Variants in STAC observed in about 807,000 individuals in gnomAD.
STAC encodes SH3 and cysteine-rich domain-containing protein.
Under a neutral mutation model 48.8 loss-of-function variants are expected in STAC, and 43 were observed. The ratio of observed to expected loss-of-function variants is 0.88; its 90% CI spans 0.69 to 1.14. STAC has a LOEUF of 1.14. Among genes scored for constraint, STAC ranks in the 50% most tolerant of loss-of-function variants. The pLI, the probability that STAC is intolerant of heterozygous loss-of-function variation, is 0.00. For synonymous variants in STAC, 193 were observed against 179.5 expected, an observed-to-expected ratio of 1.07 and a Z score of -0.60; for missense variants, 497 against 504.0, an observed-to-expected ratio of 0.99 and a Z score of 0.13.
At chr3:36,487,222 C>T (rs376328972) in intron 5 of STAC, among the ~76,000 whole-genome samples, 23 of 152,182 alleles carry the variant, frequency 1.5e-4, no homozygotes, top group East Asian at 1.2e-3. Flanking sequence ...GAATGTAGGT[C>T]GGGTAGGCAA....
intron 8 of STAC, among the ~76,000 whole-genome samples, chr3:36,511,101 T>C (rs1302268659): frequency 6.6e-6 from 1 of 151,788 alleles, no homozygotes; most frequent in Non-Finnish European, 1.5e-5. Flanking sequence ...TGTGACCTTC[T>C]CAAAATCTAA....
At chr3:36,535,135 C>T (rs1699168492) in intron 10 of STAC, among the ~76,000 whole-genome samples, 1 of 151,902 alleles carries the variant, frequency 6.6e-6, no homozygotes, top group African/African-American at 2.4e-5. Flanking sequence ...TGTTTGTGTC[C>T]TCTCTTACTT....
intron 2 of STAC, among the ~76,000 whole-genome samples, chr3:36,481,203 A>C (rs1472163259): frequency 6.6e-6 from 1 of 152,196 alleles, no homozygotes; most frequent in Non-Finnish European, 1.5e-5. Context: ...CTATAAGAAG[A>C]CCACATGGCT....
intron 10 of STAC, among the ~76,000 whole-genome samples, chr3:36,541,842 A>G (rs963537124): frequency 6.6e-6 from 1 of 152,172 alleles, no homozygotes; most frequent in Non-Finnish European, 1.5e-5. Flanking sequence ...TCTGCTCTGC[A>G]TATGCTGCAC....
At chr3:36,503,483 T>G (rs1698326286) in intron 6 of STAC, among the ~76,000 whole-genome samples, 1 of 152,150 alleles carries the variant, frequency 6.6e-6, no homozygotes, top group Admixed American at 6.6e-5. Context: ...CAGGCTGGAG[T>G]GCAGTGGTGT....
chr3:36,512,600 T>G (rs1242484422), intron 8 of STAC, among the ~76,000 whole-genome samples: 1 of 152,186 alleles, frequency 6.6e-6, no homozygotes, highest in Non-Finnish European at 1.5e-5. Flanking sequence ...GATGTCTAGC[T>G]GCCTGGTGGT....
At chr3:36,504,219 G>A (rs952288809) in intron 6 of STAC, among the ~76,000 whole-genome samples, 174 bp from the exon 7 acceptor site, 1 of 152,208 alleles carries the variant, frequency 6.6e-6, no homozygotes, top group Admixed American at 6.5e-5. Context: ...GGGGAGGCAG[G>A]AGAAGAGACA....
intron 1 of STAC, among the ~76,000 whole-genome samples, chr3:36,441,571 T>C (rs1408502505): frequency 6.6e-6 from 1 of 152,208 alleles, no homozygotes; most frequent in African/African-American, 2.4e-5. Flanking sequence ...TGCAGATGTC[T>C]CCTCAGTATA....
chr3:36,438,580 T>G (rs1401858555), intron 1 of STAC, among the ~76,000 whole-genome samples: 3 of 152,220 alleles, frequency 2.0e-5, no homozygotes, highest in Admixed American at 6.5e-5. Flanking sequence ...TCTTTTAAGA[T>G]TCCCACTTGA....
At chr3:36,405,618 G>A (rs1243038206) in intron 1 of STAC, among the ~76,000 whole-genome samples, 1 of 152,146 alleles carries the variant, frequency 6.6e-6, no homozygotes, top group Admixed American at 6.5e-5. Flanking sequence ...CTCCATATAT[G>A]ATATAGCTAA....
intron 1 of STAC, among the ~76,000 whole-genome samples, chr3:36,440,110 T>C (rs928232401): frequency 3.3e-5 from 5 of 152,190 alleles, no homozygotes; most frequent in African/African-American, 1.2e-4. Context: ...GCAGCCCTAG[T>C]GGGGCTTTTC....
intron 1 of STAC, among the ~76,000 whole-genome samples, chr3:36,384,273 C>T (rs1316693570): frequency 6.6e-6 from 1 of 152,090 alleles, no homozygotes; most frequent in African/African-American, 2.4e-5. Context: ...TTATATGACA[C>T]AAGGTCACAT....
intron 10 of STAC, among the ~76,000 whole-genome samples, chr3:36,534,316 G>A (rs1559528778): frequency 6.6e-6 from 1 of 152,236 alleles, no homozygotes; most frequent in East Asian, 1.9e-4. Context: ...CAAATGCATA[G>A]CAGAAGTCAT....
At chr3:36,405,864 C>T (rs61527575) in intron 1 of STAC, among the ~76,000 whole-genome samples, 3 of 152,238 alleles carry the variant, frequency 2.0e-5, no homozygotes, top group African/African-American at 4.8e-5. Flanking sequence ...GGACTACAGG[C>T]GCATGCCACC....
chr3:36,534,614 T>TAATTA (rs1553643003), intron 10 of STAC, among the ~76,000 whole-genome samples: 589 of 152,142 alleles, frequency 3.9e-3, no homozygotes, highest in Middle Eastern at 0.024. Flanking sequence ...TTTCCAAATA[T>TAATTA]AGTTATCCAT....
intron 10 of STAC, among the ~76,000 whole-genome samples, chr3:36,532,901 T>C (rs911928693): frequency 6.6e-6 from 1 of 152,156 alleles, no homozygotes; most frequent in Non-Finnish European, 1.5e-5. Flanking sequence ...ACAGACACAC[T>C]GTATAAATAA....
intron 10 of STAC, among the ~76,000 whole-genome samples, chr3:36,542,214 G>T (rs1699345711): frequency 1.3e-5 from 2 of 152,144 alleles, no homozygotes; most frequent in Admixed American, 1.3e-4. Context: ...CTTTTCCCAT[G>T]CTGCAGAGCC....
At chr3:36,410,834 T>C (rs954795472) in intron 1 of STAC, among the ~76,000 whole-genome samples, 3 of 152,236 alleles carry the variant, frequency 2.0e-5, no homozygotes, top group African/African-American at 7.2e-5. Flanking sequence ...ATAATCCACT[T>C]AGTTCAATCT....
chr3:36,448,184 T>C (rs79748709), intron 2 of STAC, among the ~76,000 whole-genome samples: 16,518 of 81,984 alleles, frequency 0.2, 1,165 homozygotes, highest in East Asian at 0.41. Context: ...TTTTATTTTA[T>C]TTTACTTTAT....
Sources: gnomAD v4.1 joint callset for allele counts (sites outside exome capture counted in the v4.1 genomes callset) on GRCh38, gnomAD v4.1.1 for gene constraint, MANE v1.5 for transcripts, NCBI Gene and HGNC (gene_info 2026-07-23, HGNC 2026-07-21) for gene names.